The following SYN2 variants were observed in gnomAD, a reference collection of about 807,000 sequenced individuals.
SYN2 encodes synapsin-2.
Under a neutral mutation model 50.9 loss-of-function variants are expected in SYN2, and 19 were observed. That is an observed-to-expected ratio of 0.37 (90% CI 0.26 to 0.55). The LOEUF (loss-of-function observed/expected upper bound fraction) is 0.55. SYN2 is among the 20% of genes least tolerant of loss of function. The pLI is 0.81. For synonymous variants in SYN2, 255 were observed against 224.9 expected (o/e 1.13, Z -1.20); for missense variants, 587 against 576.4 (o/e 1.02, Z -0.19).
At chr3:12,094,887 T>C (rs1166358951) in intron 1 of SYN2, among the ~76,000 whole-genome samples, 1 of 152,096 alleles carries the variant, frequency 6.6e-6, no homozygotes, top group Non-Finnish European at 1.5e-5. Flanking sequence ...AAGGGAAATA[T>C]TGAGTTTAAT....
At chr3:12,169,566 G>T (rs1315823899) in intron 9 of SYN2, among the ~76,000 whole-genome samples, 191 bp from the exon 10 acceptor site, 1 of 152,112 alleles carries the variant, frequency 6.6e-6, no homozygotes, top group African/African-American at 2.4e-5. Context: ...AAGACCTGAG[G>T]CAAAGGTTTG....
At chr3:12,018,383 G>A (rs1262623754) in intron 1 of SYN2, among the ~76,000 whole-genome samples, 1 of 152,200 alleles carries the variant, frequency 6.6e-6, no homozygotes, top group African/African-American at 2.4e-5. Context: ...TGGATAAGCA[G>A]CGTGACTTTG....
At chr3:12,033,900 T>C (rs1310054865) in intron 1 of SYN2, among the ~76,000 whole-genome samples, 5 of 152,250 alleles carry the variant, frequency 3.3e-5, no homozygotes, top group African/African-American at 7.2e-5. Flanking sequence ...TTTATAGATA[T>C]ACTGCATTTT....
chr3:12,076,082 A>G (rs1695461582), intron 1 of SYN2, among the ~76,000 whole-genome samples: 1 of 152,156 alleles, frequency 6.6e-6, no homozygotes, highest in Admixed American at 6.6e-5. Context: ...CTCAAGTCAC[A>G]TAGCTAGTAA....
Position 12,157,411 on chromosome 3 carries a change from G to A in SYN2, c.775-4135G>A. 14 of 1,614,170 alleles carry A rather than the reference G, an allele frequency of 8.7e-6. No individual in the cohort carries two copies. The Middle Eastern group carries it at 1.8e-3, about 209-fold the overall frequency. On this transcript the variant is annotated intron_variant, in intron 5 of 12. Transcript: ENST00000621198. Reference sequence around the variant, plus strand: ...TTTATCTGTTTGATTTCATACCGGAGCATTTTTTCAGTGTCAGCAGGGTCT... The same window carrying A: ...TTTATCTGTTTGATTTCATACCGGAACATTTTTTCAGTGTCAGCAGGGTCT...
rs776926626 is a variant in SYN2 at position 12,162,045 on chromosome 3, A to G, written c.871A>G (p.Ile291Val). ...GGAAAACCACTACGACTTCCAGGACATTGCCAGCGTGGTGGCTCTCACCCA... is the reference window on the plus strand; with the variant it reads ...GGAAAACCACTACGACTTCCAGGACGTTGCCAGCGTGGTGGCTCTCACCCA... ...KVENHYDFQD[I>V]ASVVALTQTY... Residue 291 changes from isoleucine to valine, a missense_variant, in exon 7 of 13, where the codon ATT becomes GTT. Ile to Val is a conservative substitution (Grantham distance 29, BLOSUM62 3). Transcript: ENST00000621198. 6 of 1,614,022 alleles carry G rather than the reference A, an allele frequency of 3.7e-6. No homozygotes were observed. Among genetic ancestry groups the G allele is most frequent in the Non-Finnish European group, 5.1e-6 (6 of 1,179,910 alleles).
chr3:12,159,178 A>T, intron 5 of SYN2: 1 of 312,870 alleles, frequency 3.2e-6, no homozygotes. Context: ...GGAAAGAGCC[A>T]CAAAGACAAA....
intron 5 of SYN2, among the ~76,000 whole-genome samples, chr3:12,152,121 C>T (rs537477062): frequency 6.6e-6 from 1 of 152,282 alleles, no homozygotes; most frequent in South Asian, 2.1e-4. Context: ...TGTTTGTGCC[C>T]GCCTCCCCAC....
intron 12 of SYN2, among the ~76,000 whole-genome samples, chr3:12,189,698 G>A (rs886305961): frequency 1.3e-5 from 2 of 152,192 alleles, no homozygotes; most frequent in African/African-American, 2.4e-5. Context: ...AGCTACTTGG[G>A]AGGCTGAGGC....
At chr3:12,090,726 T>C (rs895212577) in intron 1 of SYN2, among the ~76,000 whole-genome samples, 3 of 152,184 alleles carry the variant, frequency 2.0e-5, no homozygotes, top group South Asian at 2.1e-4. Context: ...TTCCTATTGT[T>C]CCTTGGCCTA....
At position 12,187,613 on chromosome 3, in the gene SYN2, G is replaced by A; in HGVS notation, c.1613+1G>A. 1.3e-6 allele frequency: 2 copies of A among 1,541,400 alleles called. No homozygotes were observed. The highest frequency in any genetic ancestry group is 1.8e-6 in the Non-Finnish European group (2 of 1,138,522). ...AGCCCCAGCCTCACCCACAGCTCAAGTAAGAGACAACTCAGCAGCTCCTCC... is the reference window on the plus strand; with the variant it reads ...AGCCCCAGCCTCACCCACAGCTCAAATAAGAGACAACTCAGCAGCTCCTCC... On this transcript the variant is annotated splice_donor_variant, in intron 12 of 12. Transcript: ENST00000621198. LOFTEE classifies it high-confidence loss of function.
chr3:12,117,934 A>T (rs1406957855), intron 1 of SYN2, among the ~76,000 whole-genome samples: 1 of 152,212 alleles, frequency 6.6e-6, no homozygotes, highest in African/African-American at 2.4e-5. Flanking sequence ...AGGGTGTTAG[A>T]TGATATGACA....
chr3:12,013,362 G>A (rs191569393), intron 1 of SYN2, among the ~76,000 whole-genome samples: 29 of 151,956 alleles, frequency 1.9e-4, no homozygotes, highest in Non-Finnish European at 2.8e-4. Flanking sequence ...ATGTTCCTCC[G>A]GGCCCCCTTT....
chr3:12,148,883 C>A (rs918156622), intron 4 of SYN2, among the ~76,000 whole-genome samples: 1 of 152,248 alleles, frequency 6.6e-6, no homozygotes, highest in African/African-American at 2.4e-5. Context: ...CCAACAGCAC[C>A]CCCAGCTCCC....
At chr3:12,172,206 CCT>C (rs753583920) in intron 10 of SYN2, among the ~76,000 whole-genome samples, 6 of 152,204 alleles carry the variant, frequency 3.9e-5, no homozygotes, top group African/African-American at 9.6e-5. Flanking sequence ...CATCTCTAGA[CCT>C]CTGTTTCCTC....
At chr3:12,179,848 A>T (rs1698183612) in intron 10 of SYN2, among the ~76,000 whole-genome samples, 1 of 152,250 alleles carries the variant, frequency 6.6e-6, no homozygotes, top group Non-Finnish European at 1.5e-5. Flanking sequence ...AGACATAGAC[A>T]TACCTCCAGC....
chr3:12,137,305 G>C (rs1010657654), intron 1 of SYN2, among the ~76,000 whole-genome samples: 3 of 151,622 alleles, frequency 2.0e-5, no homozygotes, highest in Non-Finnish European at 4.4e-5. Flanking sequence ...TCTTATGCAA[G>C]GGACTGTGTG....
chr3:12,183,969 T>A, intron 11 of SYN2: 2 of 986,476 alleles, frequency 2.0e-6, no homozygotes, highest in Non-Finnish European at 2.4e-6. Context: ...GATAGAACAT[T>A]AAGAGATTTT....
intron 1 of SYN2, among the ~76,000 whole-genome samples, chr3:12,139,031 T>C (rs1162667827): frequency 5.3e-5 from 8 of 152,134 alleles, no homozygotes. Context: ...CGCTGAGCTG[T>C]GAATGTTGAT....
Sources: allele counts gnomAD v4.1 joint callset (sites outside exome capture counted in the v4.1 genomes callset), GRCh38; gene constraint gnomAD v4.1.1; transcripts MANE v1.5; gene names NCBI Gene and HGNC (gene_info 2026-07-23, HGNC 2026-07-21).